Variants in TMC5 observed in about 807,000 individuals in gnomAD.
TMC5 encodes transmembrane channel-like protein 5.
TMC5 carries 86 observed loss-of-function variants against 110.5 expected under a neutral mutation model. That is an observed-to-expected ratio of 0.78 (90% CI 0.65 to 0.93). The LOEUF is 0.93. TMC5 is among the 40% of genes least tolerant of loss of function. The pLI, the probability that TMC5 is intolerant of heterozygous loss-of-function variation, is 0.00. For missense variants in TMC5, 1,144 were observed against 1,222.8 expected, an observed-to-expected ratio of 0.94 and a Z score of 0.96; for synonymous variants, 455 against 439.5, an observed-to-expected ratio of 1.04 and a Z score of -0.44.
At chr16:19,491,340 G>T (rs1968899920) in intron 18 of TMC5, among the ~76,000 whole-genome samples, 1 of 151,876 alleles carries the variant, frequency 6.6e-6, no homozygotes, top group South Asian at 2.1e-4. Context: ...AAGTTACTTA[G>T]CCTGGTGCAG....
At chr16:19,465,533 A>C (rs8044469) in intron 8 of TMC5, among the ~76,000 whole-genome samples, 4,829 of 147,488 alleles carry the variant, frequency 0.033, 256 homozygotes, top group African/African-American at 0.11. Flanking sequence ...CATCTCAAAA[A>C]AATAAATAAA....
intron 12 of TMC5, among the ~76,000 whole-genome samples, chr16:19,475,085 G>A (rs1359730475): frequency 6.6e-6 from 1 of 152,286 alleles, no homozygotes; most frequent in African/African-American, 2.4e-5. Flanking sequence ...TGTCCCTCTA[G>A]TTTCTTCCCT....
chr16:19,494,387 G>A, intron 20 of TMC5, 21 bp downstream of exon 20: 1 of 1,581,986 alleles, frequency 6.3e-7, no homozygotes, highest in Non-Finnish European at 8.7e-7. Context: ...AGGCTGCCTT[G>A]GGGACCCCTG....
intron 17 of TMC5, among the ~76,000 whole-genome samples, chr16:19,489,286 G>C (rs979917626): frequency 1.3e-5 from 2 of 152,002 alleles, no homozygotes; most frequent in African/African-American, 4.8e-5. Context: ...TCAGCCTCCC[G>C]AGTAGCTGGG....
Position 19,440,383 on chromosome 16 carries a change from T to A in TMC5, c.345T>A (p.Ser115Arg). 7 of 1,613,812 alleles carry A rather than the reference T, an allele frequency of 4.3e-6. 1 individual carries two copies. Among genetic ancestry groups the A allele is most frequent in the Non-Finnish European group, 5.9e-6 (7 of 1,179,960 alleles). The change falls in exon 3 of 22, where the codon AGT becomes AGA. Residue 115 changes from serine to arginine, a missense_variant. Physicochemically the swap from Ser to Arg is moderately radical, Grantham distance 110. Transcript: ENST00000542583. ...AGCCAGATTATAGTGAATTTCAGAG[T>A]CATCCCTACCACCGAGCATCATCCA... ...LPEPDYSEFQ[S>R]HPYHRASSRQ...
intron 2 of TMC5, among the ~76,000 whole-genome samples, chr16:19,434,053 TA>T (rs201518580): frequency 5.1e-4 from 3 of 5,936 alleles, no homozygotes; most frequent in Non-Finnish European, 7.2e-4. Context: ...ATAATATATA[TA>T]ATATAAATCT....
At chr16:19,432,791 G>T (rs1967221002) in intron 2 of TMC5, among the ~76,000 whole-genome samples, 1 of 152,108 alleles carries the variant, frequency 6.6e-6, no homozygotes, top group Non-Finnish European at 1.5e-5. Flanking sequence ...GCTAATTGTT[G>T]GCTGATCACA....
chr16:19,498,041 T>G lies in TMC5; in HGVS notation c.*75T>G. Reference sequence around the variant, plus strand: ...ATGGAATGATTTCTTCCATGCCACCTGTGCCTTTAGGAACTGCCCAGAAGA... The same window carrying G: ...ATGGAATGATTTCTTCCATGCCACCGGTGCCTTTAGGAACTGCCCAGAAGA... On this transcript the variant is annotated 3_prime_UTR_variant, in exon 22 of 22. Coordinates refer to ENST00000542583, the MANE Select transcript of TMC5 (RefSeq NM_001261841.2). The G allele has an allele frequency of 6.9e-7, 1 of 1,450,134 alleles. No individual in the cohort carries two copies. Among genetic ancestry groups the G allele is most frequent in the Non-Finnish European group, 9.7e-7 (1 of 1,030,724 alleles). The allele number at this position is 1,450,134 out of a possible 1,614,324, so 89.8% of individuals were successfully genotyped here. A position where few individuals can be genotyped will look rare whatever the true frequency, so the allele number is the denominator to read the frequency against.
intron 3 of TMC5, among the ~76,000 whole-genome samples, chr16:19,441,291 G>GTT (rs57096574): frequency 7.3e-6 from 1 of 136,880 alleles, no homozygotes; most frequent in African/African-American, 2.5e-5. Flanking sequence ...CCACTTCTTT[G>GTT]TTTTTTTTTT....
intron 2 of TMC5, among the ~76,000 whole-genome samples, chr16:19,436,686 A>G (rs1967357625): frequency 6.6e-6 from 1 of 152,218 alleles, no homozygotes; most frequent in Non-Finnish European, 1.5e-5. Flanking sequence ...TTAGTCAAAA[A>G]GAGAATGTAA....
chr16:19,429,234 A>ATGGC (rs1967147537), intron 1 of TMC5, among the ~76,000 whole-genome samples: 1 of 152,192 alleles, frequency 6.6e-6, no homozygotes, highest in South Asian at 2.1e-4. Flanking sequence ...GTCTAAGTGT[A>ATGGC]TGGCTGTGAA....
Position 19,490,378 on chromosome 16 carries a change from C to T in TMC5, c.2574-17C>T. On this transcript the variant is annotated splice_polypyrimidine_tract_variant and intron_variant, in intron 17 of 21. Coordinates refer to ENST00000542583, the MANE Select transcript of TMC5 (RefSeq NM_001261841.2). Reference sequence around the variant, plus strand: ...GAGTCTTGTGCTAGAGATGTTCTTCCATCTTTGTTTTACCAGATTGAAGCC... The same window carrying T: ...GAGTCTTGTGCTAGAGATGTTCTTCTATCTTTGTTTTACCAGATTGAAGCC... The T allele has an allele frequency of 1.2e-6, 2 of 1,613,326 alleles. No homozygotes were observed. Among genetic ancestry groups the T allele is most frequent in the Middle Eastern group, 1.7e-4 (1 of 6,056 alleles).
At chr16:19,417,410 C>T (rs888416538), upstream of TMC5, among the ~76,000 whole-genome samples, 4 of 121,700 alleles carry the variant, frequency 3.3e-5, no homozygotes, top group South Asian at 3.3e-4. Context: ...CAGAGGGCAA[C>T]GCTGTCTCAA....
At chr16:19,471,217 A>G (rs1415646858) in intron 10 of TMC5, among the ~76,000 whole-genome samples, 1 of 152,022 alleles carries the variant, frequency 6.6e-6, no homozygotes, top group Non-Finnish European at 1.5e-5. Flanking sequence ...CAGCCTGCTG[A>G]GTAGTGGGGA....
intron 4 of TMC5, among the ~76,000 whole-genome samples, chr16:19,446,457 G>A (rs1452556522): frequency 6.6e-6 from 1 of 152,228 alleles, no homozygotes; most frequent in Non-Finnish European, 1.5e-5. Context: ...CAGTGCAAGT[G>A]GAACGTATAA....
In TMC5 at chr16:19,498,085, A is replaced by G; in HGVS notation, c.*119A>G. 9.9e-7 allele frequency: 1 copy of G among 1,014,394 alleles called. No homozygotes were observed. The allele number at this position is 1,014,394 out of a possible 1,614,324, so 62.8% of individuals were successfully genotyped here. A position where few individuals can be genotyped will look rare whatever the true frequency, so the allele number is the denominator to read the frequency against. Reference sequence around the variant, plus strand: ...CAGAAGAAAATCCAAGGCTTTAGCCAGGAGCGGAAACTGACTACCATGTAA... The same window carrying G: ...CAGAAGAAAATCCAAGGCTTTAGCCGGGAGCGGAAACTGACTACCATGTAA... On this transcript the variant is annotated 3_prime_UTR_variant, in exon 22 of 22. Transcript: ENST00000542583.
chr16:19,464,886 TA>T (rs371309841), intron 8 of TMC5, among the ~76,000 whole-genome samples: 23 of 148,130 alleles, frequency 1.6e-4, no homozygotes, highest in Admixed American at 6.8e-4. Context: ...ACATACTTGA[TA>T]AAAAAAAAAC....
intron 17 of TMC5, 140 bp from the exon 18 acceptor site, chr16:19,490,255 G>A (rs1968852753): frequency 1.2e-6 from 1 of 825,652 alleles, no homozygotes; most frequent in Non-Finnish European, 1.9e-6. Context: ...GAGCAAGAGG[G>A]TTTCTTTGGG....
At chr16:19,469,573 T>G in intron 9 of TMC5, 108 bp from the exon 10 acceptor site, 2 of 1,387,752 alleles carry the variant, frequency 1.4e-6, no homozygotes, top group South Asian at 2.5e-5. Context: ...GGGCTAAGTC[T>G]TCACGTTGCC....
Sources: allele counts gnomAD v4.1 joint callset (sites outside exome capture counted in the v4.1 genomes callset), GRCh38; gene constraint gnomAD v4.1.1; transcripts MANE v1.5; gene names NCBI Gene and HGNC (gene_info 2026-07-23, HGNC 2026-07-21).